The following XPR1 variants were observed in gnomAD, a reference collection of about 807,000 sequenced individuals.
XPR1 encodes the protein xenotropic and polytropic retrovirus receptor 1.
In XPR1, 28 loss-of-function variants were observed where a neutral mutation model predicts 87.5. That is an observed-to-expected ratio of 0.32 (90% CI 0.24 to 0.44). The LOEUF is 0.44. XPR1 is among the 20% of genes least tolerant of loss of function. XPR1 has a pLI of 1.00. For synonymous variants in XPR1, 300 were observed against 306.1 expected (o/e 0.98, Z 0.21); for missense variants, 559 against 862.3 (o/e 0.65, Z 4.41).
chr1:180,718,669 A>ATTTTTT (rs34441510), intron 2 of XPR1, among the ~76,000 whole-genome samples: 1 of 134,832 alleles, frequency 7.4e-6, no homozygotes, highest in African/African-American at 2.8e-5. Context: ...GAGCATCTGT[A>ATTTTTT]TTTTTTTTTT....
chr1:180,661,892 AC>A (rs1655792216), intron 1 of XPR1, among the ~76,000 whole-genome samples: 1 of 152,140 alleles, frequency 6.6e-6, no homozygotes, highest in African/African-American at 2.4e-5. Flanking sequence ...AAACAAAACA[AC>A]AAAAAAACCC....
chr1:180,838,860 T>C (rs539541658), intron 11 of XPR1, among the ~76,000 whole-genome samples: 3 of 152,356 alleles, frequency 2.0e-5, no homozygotes, highest in East Asian at 3.9e-4. Context: ...AAATTATTTC[T>C]GTCACTAAGA....
At chr1:180,858,077 G>A (rs778443134) in intron 11 of XPR1, among the ~76,000 whole-genome samples, 2 of 152,080 alleles carry the variant, frequency 1.3e-5, no homozygotes, top group Non-Finnish European at 2.9e-5. Context: ...TTAGCCGGGC[G>A]TGGTGGCGCA....
At position 180,863,768 on chromosome 1, in the gene XPR1, G is replaced by A. The variant is rs753406735; in HGVS notation, c.1562G>A (p.Ser521Asn). The A allele has an allele frequency of 1.2e-6, 2 of 1,610,754 alleles. No homozygotes were observed. The highest frequency in any genetic ancestry group is 1.3e-5 in the African/African-American group (1 of 74,936). ...CTGTGGATTGTCTTTTATATCATCA[G>A]TTCCTGCTATACCCTCATCTGGGAT... is the stretch of plus-strand genomic sequence containing the variant. ...FYLWIVFYII[S>N]SCYTLIWDLK... is the part of the protein sequence containing the mutation. The change falls in exon 12 of 15, where the codon AGT (serine) becomes AAT (asparagine). Residue 521 changes from serine to asparagine, a missense_variant. By Grantham distance (46) the Ser-to-Asn change is conservative (BLOSUM62 1). Coordinates refer to ENST00000367590, the MANE Select transcript of XPR1 (RefSeq NM_004736.4).
intron 7 of XPR1, among the ~76,000 whole-genome samples, chr1:180,817,022 G>A (rs368363776): frequency 1.3e-5 from 2 of 152,106 alleles, no homozygotes; most frequent in East Asian, 3.9e-4. Context: ...AGTGATATTG[G>A]TGATTCTGAT....
intron 2 of XPR1, among the ~76,000 whole-genome samples, chr1:180,739,269 C>T (rs1658842773): frequency 1.3e-5 from 2 of 152,126 alleles, no homozygotes; most frequent in Admixed American, 6.5e-5. Flanking sequence ...CCACAGTGCC[C>T]ACTTTGTCTT....
chr1:180,659,247 T>C, intron 1 of XPR1, among the ~76,000 whole-genome samples: 2 of 18,758 alleles, frequency 1.1e-4, no homozygotes, highest in East Asian at 6.4e-4. Flanking sequence ...CCTTCCTTCC[T>C]TCCTCCCTCC....
At chr1:180,743,228 G>A (rs1658979106) in intron 2 of XPR1, among the ~76,000 whole-genome samples, 1 of 150,246 alleles carries the variant, frequency 6.7e-6, no homozygotes, top group African/African-American at 2.4e-5. Flanking sequence ...TTTTTTTGGG[G>A]GGGGAGTATT....
At chr1:180,695,493 A>C (rs985081538) in intron 2 of XPR1, among the ~76,000 whole-genome samples, 1 of 151,882 alleles carries the variant, frequency 6.6e-6, no homozygotes, top group Admixed American at 6.6e-5. Context: ...AGTCTTAGTC[A>C]TGAAATGTTT....
intron 2 of XPR1, among the ~76,000 whole-genome samples, chr1:180,720,810 A>G (rs74593491): frequency 0.016 from 2,409 of 152,332 alleles, 75 homozygotes; most frequent in African/African-American, 0.056. Context: ...CAGCCAATAA[A>G]TTAAATTTTG....
At chr1:180,762,451 A>G (rs956782790) in intron 2 of XPR1, among the ~76,000 whole-genome samples, 2 of 152,208 alleles carry the variant, frequency 1.3e-5, no homozygotes, top group African/African-American at 2.4e-5. Context: ...TTGATCATAC[A>G]TTGTAAGAGT....
chr1:180,707,173 A>T (rs912746479), intron 2 of XPR1, among the ~76,000 whole-genome samples: 2 of 152,352 alleles, frequency 1.3e-5, no homozygotes, highest in East Asian at 3.9e-4. Flanking sequence ...GAAAACCAGG[A>T]TAGATTTTTA....
rs1557941398 is a variant in XPR1, at chr1:180,656,448, T to TATA, written c.69+24178_69+24179insATA. ...ATATTTATATATTTATATATAAATATTTATATATTTATATATAATATTTAT... is the reference window on the plus strand; with the variant it reads ...ATATTTATATATTTATATATAAATATATATTATATATTTATATATAATATTTAT... On this transcript the variant is annotated intron_variant, in intron 1 of 14. Coordinates refer to ENST00000367590, the MANE Select transcript of XPR1 (RefSeq NM_004736.4). Among the ~76,000 whole-genome samples, 12 of 25,128 alleles carry TATA rather than the reference T, an allele frequency of 4.8e-4. 1 individual carries two copies. The highest frequency in any genetic ancestry group is 2.1e-3 in the African/African-American group (12 of 5,812). 16.5% of individuals were successfully genotyped at this position (25,128 alleles called of 152,430 possible).
At chr1:180,656,704 T>G (rs1655545141) in intron 1 of XPR1, among the ~76,000 whole-genome samples, 1 of 132,280 alleles carries the variant, frequency 7.6e-6, no homozygotes, top group Non-Finnish European at 1.5e-5. Context: ...GTATTTTATA[T>G]ATATATATAA....
At chr1:180,821,960 C>T (rs1242780999) in intron 7 of XPR1, among the ~76,000 whole-genome samples, 2 of 152,026 alleles carry the variant, frequency 1.3e-5, no homozygotes, top group Non-Finnish European at 2.9e-5. Context: ...ATTTTTGTTT[C>T]CTGACTGTTG....
intron 7 of XPR1, among the ~76,000 whole-genome samples, chr1:180,821,006 CT>C (rs67840913): frequency 0.35 from 51,126 of 148,070 alleles, 8,928 homozygotes; most frequent in Non-Finnish European, 0.39. Flanking sequence ...ATATTCCTCC[CT>C]TTTTTTTTTT....
rs138008120 is a variant in XPR1 at position 180,646,973 on chromosome 1, A to G, written c.69+14703A>G. Among the ~76,000 whole-genome samples, 6 of 152,310 alleles carry G rather than the reference A, an allele frequency of 3.9e-5. No individual in the cohort carries two copies. The East Asian group carries it at 1.2e-3, about 29-fold the overall frequency. On this transcript the variant is annotated intron_variant, in intron 1 of 14. Coordinates refer to ENST00000367590, the MANE Select transcript of XPR1 (RefSeq NM_004736.4). ...TTTGATAAGAGTTTGTAAGCAATTG[A>G]TTTATTATGGTCTCTGTGCAGTCAA...
At chr1:180,836,389 A>T (rs1280844854) in intron 10 of XPR1, 133 bp from the exon 11 acceptor site, 4 of 887,136 alleles carry the variant, frequency 4.5e-6, no homozygotes, top group Non-Finnish European at 5.1e-6. Flanking sequence ...AGAATATAAT[A>T]GTTGCAAAGA....
chr1:180,722,910 G>A (rs1658221878), intron 2 of XPR1, among the ~76,000 whole-genome samples: 1 of 152,066 alleles, frequency 6.6e-6, no homozygotes, highest in Non-Finnish European at 1.5e-5. Flanking sequence ...ATCACTTTTT[G>A]TAATTAAAAG....
Sources: gnomAD v4.1 joint callset for allele counts (sites outside exome capture counted in the v4.1 genomes callset) on GRCh38, gnomAD v4.1.1 for gene constraint, MANE v1.5 for transcripts, NCBI Gene and HGNC (gene_info 2026-07-23, HGNC 2026-07-21) for gene names.